The following EVL variants were observed in gnomAD, a reference collection of about 807,000 sequenced individuals.
The protein encoded by EVL is Enah/Vasp-like, also known as ena/VASP-like protein.
A neutral mutation model predicts 59.6 loss-of-function variants in EVL; 21 were observed. The ratio of observed to expected loss-of-function variants is 0.35; its 90% CI spans 0.25 to 0.51. The LOEUF (loss-of-function observed/expected upper bound fraction) is 0.51. Ranked by LOEUF, EVL falls within the 20% of genes least tolerant of loss-of-function variation. EVL has a pLI of 0.97. For synonymous variants in EVL, 198 were observed against 203.5 expected (o/e 0.97, Z 0.23); for missense variants, 462 against 546.6 (o/e 0.85, Z 1.54).
At chr14:100,066,913 G>C (rs1343863290) in intron 1 of EVL, among the ~76,000 whole-genome samples, 2 of 152,186 alleles carry the variant, frequency 1.3e-5, no homozygotes, top group African/African-American at 4.8e-5. Flanking sequence ...TGTTTTCTAT[G>C]TATTCCTTGA....
At chr14:99,975,669 C>T (rs1033385851) in intron 1 of EVL, among the ~76,000 whole-genome samples, 3 of 152,154 alleles carry the variant, frequency 2.0e-5, no homozygotes, top group South Asian at 4.1e-4. Context: ...ATAGGGTTCA[C>T]GCTTCTATGA....
intron 1 of EVL, among the ~76,000 whole-genome samples, chr14:100,071,041 T>C (rs1292066571): frequency 1.3e-5 from 2 of 151,834 alleles, no homozygotes; most frequent in Non-Finnish European, 2.9e-5. Context: ...TTGGTTGGAG[T>C]GTTTTTCCAG....
At chr14:100,134,083 C>T (rs1055696703) in intron 8 of EVL, among the ~76,000 whole-genome samples, 1 of 152,226 alleles carries the variant, frequency 6.6e-6, no homozygotes. Context: ...TTGTCTCCTG[C>T]CAGATCTTAG....
At chr14:100,066,375 G>A (rs1410383390) in intron 1 of EVL, 1 of 152,204 alleles carries the variant, frequency 6.6e-6, no homozygotes, top group African/African-American at 2.4e-5. Flanking sequence ...AAGTTGTGGG[G>A]TTTGTCCAAG....
chr14:100,019,970 T>C (rs1454170886), intron 1 of EVL, among the ~76,000 whole-genome samples: 1 of 152,192 alleles, frequency 6.6e-6, no homozygotes, highest in African/African-American at 2.4e-5. Context: ...CTGTTGCTGG[T>C]GTAGAGTTGT....
intron 4 of EVL, among the ~76,000 whole-genome samples, chr14:100,124,065 A>AG (rs1240058630): frequency 6.6e-6 from 1 of 152,220 alleles, no homozygotes; most frequent in Non-Finnish European, 1.5e-5. Context: ...GGGAAGAGGA[A>AG]GGGCCAAGGC....
At chr14:100,080,028 A>G (rs1019677034) in intron 1 of EVL, among the ~76,000 whole-genome samples, 2 of 151,678 alleles carry the variant, frequency 1.3e-5, no homozygotes, top group African/African-American at 4.8e-5. Context: ...ATTAGGTTTC[A>G]GAACTACATG....
chr14:99,973,494 G>A (rs1170775515), intron 1 of EVL, among the ~76,000 whole-genome samples: 2 of 152,130 alleles, frequency 1.3e-5, no homozygotes, highest in Non-Finnish European at 2.9e-5. Context: ...ACGGAGTCTC[G>A]CTCTGTTGCC....
At chr14:100,019,871 G>A (rs916405421) in intron 1 of EVL, among the ~76,000 whole-genome samples, 1 of 152,198 alleles carries the variant, frequency 6.6e-6, no homozygotes. Context: ...GGTCAGGGGT[G>A]TTTACTGTGT....
intron 3 of EVL, among the ~76,000 whole-genome samples, chr14:100,117,697 T>C (rs925381333): frequency 2.6e-5 from 4 of 152,212 alleles, no homozygotes; most frequent in African/African-American, 9.6e-5. Context: ...TAGTACGTAG[T>C]GTAATACACA....
chr14:100,080,742 A>AG (rs920329284), intron 1 of EVL, among the ~76,000 whole-genome samples: 8 of 152,300 alleles, frequency 5.3e-5, no homozygotes, highest in Admixed American at 6.5e-5. Flanking sequence ...GTTAGATCCC[A>AG]GGGGGGAAAG....
intron 1 of EVL, among the ~76,000 whole-genome samples, chr14:100,075,256 G>A (rs898941651): frequency 6.6e-6 from 1 of 152,196 alleles, no homozygotes; most frequent in Non-Finnish European, 1.5e-5. Flanking sequence ...TGTGTGCCGG[G>A]CCTTGTCTTG....
At chr14:100,138,599 G>A (rs1888957504) in intron 11 of EVL, 1 of 152,798 alleles carries the variant, frequency 6.5e-6, no homozygotes. Flanking sequence ...GCAGAGCAGT[G>A]CAGGTGGACA....
At chr14:100,107,607 G>A (rs1355791638) in intron 3 of EVL, 7 of 271,702 alleles carry the variant, frequency 2.6e-5, no homozygotes, top group South Asian at 1.7e-4. Flanking sequence ...GAAGAGGGCC[G>A]AGGTGCATGG....
At chr14:100,098,957 T>A (rs1293241631) in intron 3 of EVL, among the ~76,000 whole-genome samples, 1 of 152,082 alleles carries the variant, frequency 6.6e-6, no homozygotes, top group South Asian at 2.1e-4. Context: ...ATTATTACGA[T>A]CATTATTGTT....
In EVL at chr14:100,017,728, C is replaced by T. The variant is rs1421002074; in HGVS notation, c.5+45671C>T. The stretch of plus-strand genomic sequence containing the variant: ...TATGATTCTGCCAAGAAGCTGCCAT[C>T]ACCAGAAGGTCTCAGGCAGATGCTG... On this transcript the variant is annotated intron_variant, in intron 1 of 13. Transcript: ENST00000402714. Among the ~76,000 whole-genome samples the T allele has an allele frequency of 2.0e-5, 3 of 152,212 alleles. No homozygotes were observed. In the East Asian group the frequency reaches 5.8e-4, roughly 29 times the overall value.
chr14:100,066,306 T>C (rs569081638), intron 1 of EVL: 11 of 152,302 alleles, frequency 7.2e-5, no homozygotes, highest in Admixed American at 5.2e-4. Flanking sequence ...CTTTTAGCCG[T>C]GTTAGATTGA....
chr14:100,055,546 A>G (rs1230285849), intron 1 of EVL, among the ~76,000 whole-genome samples: 1 of 152,222 alleles, frequency 6.6e-6, no homozygotes, highest in Non-Finnish European at 1.5e-5. Flanking sequence ...CCTTACATGT[A>G]TATGATAGTT....
intron 2 of EVL, among the ~76,000 whole-genome samples, chr14:100,090,004 GT>G (rs2062530380): frequency 6.6e-6 from 1 of 151,958 alleles, no homozygotes; most frequent in Non-Finnish European, 1.5e-5. Flanking sequence ...AAAAAGAAGA[GT>G]ATTTGAAAAT....
Sources: allele counts gnomAD v4.1 joint callset (sites outside exome capture counted in the v4.1 genomes callset), GRCh38; gene constraint gnomAD v4.1.1; transcripts MANE v1.5; gene names NCBI Gene and HGNC (gene_info 2026-07-23, HGNC 2026-07-21).